ADAMTSL1: variants seen among roughly 807,000 people sequenced by gnomAD.
ADAMTSL1 encodes the protein ADAMTS-like protein 1.
A neutral mutation model predicts 201.8 loss-of-function variants in ADAMTSL1; 126 were observed. The ratio of observed to expected loss-of-function variants is 0.62; its 90% CI spans 0.54 to 0.72. The LOEUF (loss-of-function observed/expected upper bound fraction) is 0.72, where lower values mean the gene tolerates loss of function less well. Ranked by LOEUF, ADAMTSL1 falls within the 30% of genes least tolerant of loss-of-function variation. The pLI, the probability that ADAMTSL1 is intolerant of heterozygous loss-of-function variation, is 0.00. For missense variants in ADAMTSL1, 2,679 were observed against 2,277.8 expected (o/e 1.18, Z -3.59); for synonymous variants, 1,121 against 903.4 (o/e 1.24, Z -4.32).
intron 1 of ADAMTSL1, among the ~76,000 whole-genome samples, chr9:17,968,632 G>C (rs78882897): frequency 1.3e-5 from 2 of 152,076 alleles, no homozygotes; most frequent in African/African-American, 4.8e-5. Flanking sequence ...TGGTATCCTC[G>C]TTGATTGGTG....
chr9:18,013,536 C>G (rs1376663385), intron 1 of ADAMTSL1, among the ~76,000 whole-genome samples: 3 of 151,986 alleles, frequency 2.0e-5, no homozygotes, highest in Non-Finnish European at 4.4e-5. Context: ...AATTCAAAAA[C>G]CAAACCAAAG....
At chr9:18,006,749 G>A (rs948188566) in intron 1 of ADAMTSL1, among the ~76,000 whole-genome samples, 2 of 151,952 alleles carry the variant, frequency 1.3e-5, no homozygotes, top group Non-Finnish European at 2.9e-5. Context: ...AGCAGAGTCT[G>A]TGATTATGTC....
At chr9:18,784,523 C>G (rs1487293141) in intron 19 of ADAMTSL1, among the ~76,000 whole-genome samples, 1 of 152,162 alleles carries the variant, frequency 6.6e-6, no homozygotes, top group Non-Finnish European at 1.5e-5. Context: ...CAGAGTGATA[C>G]CTGTTCCTAA....
intron 28 of ADAMTSL1, 61 bp from the exon 29 acceptor site, chr9:18,908,381 A>C: frequency 7.1e-7 from 1 of 1,411,494 alleles, no homozygotes; most frequent in Non-Finnish European, 9.8e-7. Flanking sequence ...GGCTGCGTTC[A>C]TTAGTCTCTG....
chr9:18,679,119 T>C (rs1386141873), intron 10 of ADAMTSL1, among the ~76,000 whole-genome samples: 1 of 152,114 alleles, frequency 6.6e-6, no homozygotes, highest in South Asian at 2.1e-4. Flanking sequence ...GAAAAACACA[T>C]GATTCAGGCT....
intron 2 of ADAMTSL1, among the ~76,000 whole-genome samples, chr9:18,169,274 C>A (rs1827782335): frequency 6.6e-6 from 1 of 151,828 alleles, no homozygotes; most frequent in Non-Finnish European, 1.5e-5. Flanking sequence ...ACATTTAAGT[C>A]TTTAATCCAT....
intron 23 of ADAMTSL1, among the ~76,000 whole-genome samples, chr9:18,844,224 CTT>C (rs1178438000): frequency 1.3e-5 from 2 of 152,132 alleles, no homozygotes; most frequent in African/African-American, 2.4e-5. Flanking sequence ...GTGTGGATGT[CTT>C]TTCTGTTTGT....
intron 2 of ADAMTSL1, among the ~76,000 whole-genome samples, chr9:18,435,512 G>T (rs1024221756): frequency 1.3e-5 from 2 of 152,178 alleles, no homozygotes; most frequent in Non-Finnish European, 2.9e-5. Context: ...TATAGGAGGG[G>T]TTGGAAGTAG....
intron 15 of ADAMTSL1, among the ~76,000 whole-genome samples, chr9:18,734,954 T>C (rs1308950676): frequency 6.6e-6 from 1 of 152,182 alleles, no homozygotes; most frequent in Non-Finnish European, 1.5e-5. Context: ...AGGAAGCTGA[T>C]AGATTTTTGT....
intron 1 of ADAMTSL1, among the ~76,000 whole-genome samples, chr9:17,922,087 C>CTTTTT (rs33961485): frequency 6.9e-6 from 1 of 144,700 alleles, no homozygotes. Flanking sequence ...GCAGTTCAGG[C>CTTTTT]TTTTTTTTTT....
intron 1 of ADAMTSL1, among the ~76,000 whole-genome samples, chr9:17,996,733 A>G (rs1436581264): frequency 6.6e-6 from 1 of 151,850 alleles, no homozygotes; most frequent in African/African-American, 2.4e-5. Context: ...TCCTTCTTCT[A>G]GATCTTTGTG....
intron 13 of ADAMTSL1, among the ~76,000 whole-genome samples, chr9:18,690,720 C>A (rs1424226950): frequency 6.6e-6 from 1 of 152,184 alleles, no homozygotes; most frequent in Non-Finnish European, 1.5e-5. Flanking sequence ...CTCACACTGG[C>A]CAGACAGCAT....
Position 18,373,186 on chromosome 9 carries a change from G to A in ADAMTSL1, c.208-131643G>A, listed in dbSNP as rs369429413. ...CTTCTCAGTCCCCAGAAGTCTGATC[G>A]TTAATCCTTATGTCACAAAATAACC... On this transcript the variant is annotated intron_variant, in intron 2 of 29. Coordinates refer to the ADAMTSL1 transcript ENST00000680146. 7.9e-5 allele frequency among the ~76,000 whole-genome samples: 12 copies of A among 152,166 alleles called. No homozygotes were observed. In the South Asian group the frequency reaches 2.3e-3, roughly 29 times the overall value.
chr9:18,356,470 G>A (rs1836234895), intron 2 of ADAMTSL1, among the ~76,000 whole-genome samples: 2 of 145,024 alleles, frequency 1.4e-5, no homozygotes, highest in East Asian at 2.1e-4. Context: ...CAAGGCTTCA[G>A]TGAGCTATGA....
At chr9:18,828,171 G>T (rs765502096) in intron 22 of ADAMTSL1, among the ~76,000 whole-genome samples, 4 of 152,122 alleles carry the variant, frequency 2.6e-5, no homozygotes, top group Admixed American at 6.6e-5. Flanking sequence ...CATGTCACCT[G>T]GACACTGGTA....
rs113418390 is a variant in ADAMTSL1 at position 17,975,479 on chromosome 9, G to T, written c.87+68557G>T. 3.9e-3 allele frequency among the ~76,000 whole-genome samples: 586 copies of T among 152,048 alleles called. 5 individuals are homozygous for T. The highest frequency in any genetic ancestry group is 0.013 in the African/African-American group (541 of 41,504). On this transcript the variant is annotated intron_variant, in intron 1 of 29. Coordinates refer to the ADAMTSL1 transcript ENST00000680146. ...AAGGTAAAGAAGCTCCACTCATCAA[G>T]AGCACTAATACCATTCGTGAGGGCT... is the stretch of plus-strand genomic sequence containing the variant.
chr9:18,726,339 T>TA (rs1454321911), intron 15 of ADAMTSL1, among the ~76,000 whole-genome samples: 1 of 151,774 alleles, frequency 6.6e-6, no homozygotes, highest in Non-Finnish European at 1.5e-5. Flanking sequence ...CCTATCTCTA[T>TA]AAAAAATACA....
chr9:18,638,213 C>T (rs702205), intron 6 of ADAMTSL1, among the ~76,000 whole-genome samples: 1 of 151,766 alleles, frequency 6.6e-6, no homozygotes. Context: ...AGGTTTTCCA[C>T]TTGTTGATAT....
intron 19 of ADAMTSL1, among the ~76,000 whole-genome samples, chr9:18,786,200 G>A (rs1421999522): frequency 6.6e-6 from 1 of 152,182 alleles, no homozygotes; most frequent in Non-Finnish European, 1.5e-5. Flanking sequence ...TGGAATCCTA[G>A]GGAAATGGCT....
Sources: allele counts gnomAD v4.1 joint callset (sites outside exome capture counted in the v4.1 genomes callset), GRCh38; gene constraint gnomAD v4.1.1; transcripts MANE v1.5; gene names NCBI Gene and HGNC (gene_info 2026-07-23, HGNC 2026-07-21).